TMEM132C: variants seen among roughly 807,000 people sequenced by gnomAD.
The protein encoded by TMEM132C is protein phosphatase 1, regulatory subunit 152.
TMEM132C carries 29 observed loss-of-function variants against 61.4 expected under a neutral mutation model. That is an observed-to-expected ratio of 0.47 (90% CI 0.35 to 0.64). The LOEUF is 0.64. Among genes scored for constraint, TMEM132C ranks in the 30% least tolerant of loss-of-function variants. The pLI is 0.00. For synonymous variants in TMEM132C, 656 were observed against 633.1 expected, an observed-to-expected ratio of 1.04 and a Z score of -0.54; for missense variants, 1,408 against 1,476.9, an observed-to-expected ratio of 0.95 and a Z score of 0.76.
chr12:128,631,067 A>G (rs1954061486), intron 4 of TMEM132C, among the ~76,000 whole-genome samples: 1 of 152,144 alleles, frequency 6.6e-6, no homozygotes, highest in South Asian at 2.1e-4. Flanking sequence ...TATGTTTTCT[A>G]TATGTTTCTA....
chr12:128,680,591 C>T (rs1954627152), intron 5 of TMEM132C, among the ~76,000 whole-genome samples: 1 of 152,212 alleles, frequency 6.6e-6, no homozygotes, highest in African/African-American at 2.4e-5. Flanking sequence ...GTCTACCACA[C>T]TGGACAGCAC....
intron 2 of TMEM132C, among the ~76,000 whole-genome samples, chr12:128,534,470 G>C (rs974814119): frequency 1.3e-5 from 2 of 152,188 alleles, no homozygotes; most frequent in African/African-American, 4.8e-5. Flanking sequence ...CACTGAACTA[G>C]GGCCACCCTG....
chr12:128,502,164 A>G (rs1872203251), intron 2 of TMEM132C, among the ~76,000 whole-genome samples: 1 of 152,248 alleles, frequency 6.6e-6, no homozygotes, highest in African/African-American at 2.4e-5. Flanking sequence ...TCCAACAACC[A>G]TGGGTCCACC....
intron 3 of TMEM132C, among the ~76,000 whole-genome samples, chr12:128,552,301 C>A (rs1187269106): frequency 1.3e-5 from 2 of 152,212 alleles, no homozygotes; most frequent in Non-Finnish European, 2.9e-5. Flanking sequence ...CCATAATATT[C>A]TGTAGATTTT....
chr12:128,452,154 T>TGC (rs1870194793), intron 2 of TMEM132C, among the ~76,000 whole-genome samples: 1 of 152,030 alleles, frequency 6.6e-6, no homozygotes, highest in South Asian at 2.1e-4. Flanking sequence ...AGTACAGTGG[T>TGC]GCGATCATGG....
intron 5 of TMEM132C, among the ~76,000 whole-genome samples, chr12:128,677,402 T>C (rs1439471856): frequency 6.6e-6 from 1 of 151,602 alleles, no homozygotes; most frequent in Non-Finnish European, 1.5e-5. Flanking sequence ...AAGCAGATAA[T>C]AAGAAAATGC....
intron 3 of TMEM132C, among the ~76,000 whole-genome samples, chr12:128,551,209 G>C (rs1180329087): frequency 6.8e-6 from 1 of 147,114 alleles, no homozygotes; most frequent in African/African-American, 2.7e-5. Flanking sequence ...AAACATAAGA[G>C]CCCCCCCCCT....
At chr12:128,290,542 T>C (rs1229513563) in intron 1 of TMEM132C, among the ~76,000 whole-genome samples, 3 of 152,140 alleles carry the variant, frequency 2.0e-5, no homozygotes, top group South Asian at 2.1e-4. Context: ...ACACTGAAGA[T>C]GTGTGACGCA....
chr12:128,613,178 C>T (rs775743196), intron 3 of TMEM132C, among the ~76,000 whole-genome samples: 2 of 152,222 alleles, frequency 1.3e-5, no homozygotes, highest in Non-Finnish European at 2.9e-5. Flanking sequence ...AAGTGAATTA[C>T]TTGCTGAGTA....
intron 3 of TMEM132C, among the ~76,000 whole-genome samples, chr12:128,548,823 A>G (rs1296552496): frequency 6.6e-6 from 1 of 152,218 alleles, no homozygotes; most frequent in Non-Finnish European, 1.5e-5. Context: ...TCTAAATAAT[A>G]TGGTATCACA....
Position 128,278,679 on chromosome 12 carries a change from A to T in TMEM132C, c.85+11192A>T, listed in dbSNP as rs538330699. Among the ~76,000 whole-genome samples, 1 of 151,188 alleles carries T rather than the reference A, an allele frequency of 6.6e-6. No homozygotes were observed. Among genetic ancestry groups the T allele is most frequent in the South Asian group, 2.1e-4 (1 of 4,782 alleles). On this transcript the variant is annotated intron_variant, in intron 1 of 8. Transcript: ENST00000435159. This position sits in a 1 kb window ranked among gnomAD's most constrained non-coding sequence, Gnocchi z 4.2. Reference sequence around the variant, plus strand: ...CCCGGTGGTCAGGGTGTCCATGATGACTAAGTTTTTGTCTTAACTTGTGTG... The same window carrying T: ...CCCGGTGGTCAGGGTGTCCATGATGTCTAAGTTTTTGTCTTAACTTGTGTG...
intron 1 of TMEM132C, among the ~76,000 whole-genome samples, chr12:128,269,765 T>C (rs1205851127): frequency 1.3e-5 from 2 of 151,862 alleles, no homozygotes; most frequent in East Asian, 3.9e-4. Flanking sequence ...GTTTGCACCG[T>C]AAGATATCTT....
intron 2 of TMEM132C, among the ~76,000 whole-genome samples, chr12:128,420,351 A>T (rs901011801): frequency 2.2e-4 from 33 of 152,228 alleles, no homozygotes; most frequent in African/African-American, 7.0e-4. Flanking sequence ...CATTTGAATC[A>T]AGCATGGTCT....
At chr12:128,309,726 C>CT (rs1212792170) in intron 1 of TMEM132C, among the ~76,000 whole-genome samples, 2,149 of 144,450 alleles carry the variant, frequency 0.015, 46 homozygotes, top group African/African-American at 0.049. Context: ...TCCTTTTTTT[C>CT]TTTTTTTTTT....
chr12:128,582,472 GCT>G (rs1258992006), intron 3 of TMEM132C, among the ~76,000 whole-genome samples: 2 of 149,064 alleles, frequency 1.3e-5, no homozygotes, highest in East Asian at 4.0e-4. Context: ...ATATGGTTTG[GCT>G]CTGTGTCCCC....
At chr12:128,687,059 G>A (rs1404059586) in intron 5 of TMEM132C, among the ~76,000 whole-genome samples, 2 of 151,880 alleles carry the variant, frequency 1.3e-5, no homozygotes, top group Admixed American at 6.6e-5. Flanking sequence ...AAAATTAGGC[G>A]GGCATGGTAG....
At chr12:128,674,056 A>G (rs6486713) in intron 5 of TMEM132C, among the ~76,000 whole-genome samples, 121,462 of 152,238 alleles carry the variant, frequency 0.8, 48,636 homozygotes, top group South Asian at 0.88. Flanking sequence ...AGTAAATTAT[A>G]CTAAGTTTGG....
rs117961254 is a variant in TMEM132C at position 128,388,340 on chromosome 12, C to T, written c.86-26392C>T. 1.7e-3 allele frequency among the ~76,000 whole-genome samples: 262 copies of T among 151,962 alleles called. 8 individuals carry two copies. The East Asian group carries it at 0.045, about 26-fold the overall frequency. On this transcript the variant is annotated intron_variant, in intron 1 of 8. Transcript: ENST00000435159. ...GGCAGCGAATCCAGCCTGCTGTTGC[C>T]CCAAATCTTAACTTTTCTAAAGAAA...
At chr12:128,622,360 A>ATATAT (rs1555237029) in intron 4 of TMEM132C, among the ~76,000 whole-genome samples, 33 of 30,020 alleles carry the variant, frequency 1.1e-3, no homozygotes, top group East Asian at 2.2e-3. Flanking sequence ...AAAAAAAAAA[A>ATATAT]ATATATATAT....
Sources: gnomAD v4.1 joint callset for allele counts (sites outside exome capture counted in the v4.1 genomes callset) on GRCh38, gnomAD v4.1.1 for gene constraint, Gnocchi (gnomAD v3.1) non-coding constraint, MANE v1.5 for transcripts, NCBI Gene and HGNC (gene_info 2026-07-23, HGNC 2026-07-21) for gene names.